The following KCNH7 variants were observed in gnomAD, a reference collection of about 807,000 sequenced individuals.
The protein encoded by KCNH7 is potassium voltage-gated channel subfamily H member 7.
A neutral mutation model predicts 120.8 loss-of-function variants in KCNH7; 49 were observed. That is an observed-to-expected ratio of 0.41 (90% CI 0.32 to 0.51). The LOEUF (loss-of-function observed/expected upper bound fraction) is 0.51. Ranked by LOEUF, KCNH7 falls within the 20% of genes least tolerant of loss-of-function variation. KCNH7 has a pLI of 0.38. For synonymous variants in KCNH7, 547 were observed against 516.1 expected, an observed-to-expected ratio of 1.06 and a Z score of -0.81; for missense variants, 1,097 against 1,446.6, an observed-to-expected ratio of 0.76 and a Z score of 3.92.
chr2:162,579,027 C>T (rs1693781595), intron 2 of KCNH7, among the ~76,000 whole-genome samples: 1 of 151,606 alleles, frequency 6.6e-6, no homozygotes, highest in Admixed American at 6.6e-5. Flanking sequence ...TAAAATAATC[C>T]TATGTGTTAG....
chr2:162,758,853 C>G (rs562514304), intron 2 of KCNH7, among the ~76,000 whole-genome samples: 5 of 152,058 alleles, frequency 3.3e-5, no homozygotes, highest in Non-Finnish European at 5.9e-5. Flanking sequence ...GGTTTGAAGT[C>G]TCATGATTTG....
At position 162,751,339 on chromosome 2, in the gene KCNH7, G is replaced by C. The variant is rs369857045; in HGVS notation, c.307+85198C>G. On this transcript the variant is annotated intron_variant, in intron 2 of 15. Transcript: ENST00000332142. ...TAAAAAGGGTAAATACAATAAATTA[G>C]AGAAGTAATTTACTAATTTACCTTT... is the stretch of plus-strand genomic sequence containing the variant. 2.0e-4 allele frequency among the ~76,000 whole-genome samples: 31 copies of C among 152,146 alleles called. No homozygotes were observed. The South Asian group carries it at 6.0e-3, about 30-fold the overall frequency.
At chr2:162,804,289 A>G (rs935342915) in intron 2 of KCNH7, among the ~76,000 whole-genome samples, 7 of 151,834 alleles carry the variant, frequency 4.6e-5, no homozygotes, top group African/African-American at 1.7e-4. Flanking sequence ...GAAGTCGTCA[A>G]ACTATCACTG....
rs572927623 is a variant in KCNH7, at chr2:162,561,753, C to T, written c.308-24673G>A. On this transcript the variant is annotated intron_variant, in intron 2 of 15. Coordinates refer to ENST00000332142, the MANE Select transcript of KCNH7 (RefSeq NM_033272.4). ...CCGATGGCATTCTACTATAAAGACA[C>T]ATGCACACGTATGTTTACTGCAGCA... 2.6e-5 allele frequency among the ~76,000 whole-genome samples: 4 copies of T among 152,256 alleles called. No homozygotes were observed. In the South Asian group the frequency reaches 8.3e-4, roughly 32 times the overall value.
chr2:162,591,073 C>T (rs1485330743), intron 2 of KCNH7, among the ~76,000 whole-genome samples: 1 of 152,022 alleles, frequency 6.6e-6, no homozygotes, highest in African/African-American at 2.4e-5. Flanking sequence ...GACTGCATTT[C>T]CCGAGCTCTT....
At chr2:162,526,950 A>G (rs1691726961) in intron 3 of KCNH7, among the ~76,000 whole-genome samples, 1 of 152,032 alleles carries the variant, frequency 6.6e-6, no homozygotes, top group South Asian at 2.1e-4. Flanking sequence ...AGAAATTATA[A>G]AAGTATTAAT....
chr2:162,793,059 C>T (rs1207790761), intron 2 of KCNH7, among the ~76,000 whole-genome samples: 1 of 151,758 alleles, frequency 6.6e-6, no homozygotes, highest in Non-Finnish European at 1.5e-5. Flanking sequence ...TTGATTCTGC[C>T]TTAATTTTAT....
At chr2:162,622,655 G>A (rs550275575) in intron 2 of KCNH7, among the ~76,000 whole-genome samples, 3 of 152,144 alleles carry the variant, frequency 2.0e-5, no homozygotes, top group African/African-American at 4.8e-5. Context: ...ACCTAGAGTC[G>A]TGAAATGCAA....
At chr2:162,815,916 T>C (rs1684902708) in intron 2 of KCNH7, among the ~76,000 whole-genome samples, 1 of 152,210 alleles carries the variant, frequency 6.6e-6, no homozygotes, top group Admixed American at 6.5e-5. Flanking sequence ...GATTACATAA[T>C]TAGATTTCCT....
At chr2:162,696,423 A>G (rs1686291229) in intron 2 of KCNH7, among the ~76,000 whole-genome samples, 1 of 152,190 alleles carries the variant, frequency 6.6e-6, no homozygotes, top group African/African-American at 2.4e-5. Context: ...CTTCGAAACT[A>G]GAATTTTTGC....
intron 2 of KCNH7, among the ~76,000 whole-genome samples, chr2:162,681,790 G>A (rs2105313644): frequency 6.7e-6 from 1 of 150,164 alleles, no homozygotes; most frequent in Non-Finnish European, 1.5e-5. Context: ...GAGAGTTCAA[G>A]TCAAGACTTG....
intron 2 of KCNH7, among the ~76,000 whole-genome samples, chr2:162,544,365 C>T (rs1031597701): frequency 3.9e-5 from 6 of 152,074 alleles, no homozygotes; most frequent in Admixed American, 3.9e-4. Context: ...AAAGGTAATG[C>T]CAACAGCTAA....
chr2:162,549,315 A>G (rs1166661981), intron 2 of KCNH7, among the ~76,000 whole-genome samples: 1 of 152,226 alleles, frequency 6.6e-6, no homozygotes, highest in African/African-American at 2.4e-5. Flanking sequence ...TATGTTGGAT[A>G]TAAAAGCTGG....
intron 12 of KCNH7, among the ~76,000 whole-genome samples, chr2:162,388,159 C>CT (rs1480743299): frequency 6.6e-6 from 1 of 151,578 alleles, no homozygotes; most frequent in Admixed American, 6.6e-5. Context: ...TAGATGAATA[C>CT]TTTTTTATAC....
In KCNH7 at chr2:162,769,217, C is replaced by T. The variant is rs143711843; in HGVS notation, c.307+67320G>A. 2.8e-3 allele frequency among the ~76,000 whole-genome samples: 421 copies of T among 150,934 alleles called. 1 individual carries two copies. Among genetic ancestry groups the T allele is most frequent in the African/African-American group, 9.8e-3 (397 of 40,662 alleles). On this transcript the variant is annotated intron_variant, in intron 2 of 15. Coordinates refer to ENST00000332142, the MANE Select transcript of KCNH7 (RefSeq NM_033272.4). ...TGAACAACAGACCTCCGCTCTCTTG[C>T]GGCCTTAAAACTGGAAACGCTCCAG...
intron 2 of KCNH7, among the ~76,000 whole-genome samples, chr2:162,760,130 A>G (rs997808398): frequency 1.3e-5 from 2 of 152,140 alleles, no homozygotes; most frequent in African/African-American, 4.8e-5. Context: ...ATACTTATTT[A>G]TCTTCAAAAA....
chr2:162,833,417 T>C (rs1427722809), intron 2 of KCNH7, among the ~76,000 whole-genome samples: 1 of 152,182 alleles, frequency 6.6e-6, no homozygotes, highest in East Asian at 1.9e-4. Context: ...GCTATTAAAA[T>C]ACATGCCCAT....
At chr2:162,674,649 T>C (rs925099685) in intron 2 of KCNH7, among the ~76,000 whole-genome samples, 1 of 151,746 alleles carries the variant, frequency 6.6e-6, no homozygotes, top group Non-Finnish European at 1.5e-5. Flanking sequence ...CATAAACAAG[T>C]AGAGCAATTC....
At chr2:162,704,565 T>A (rs1198739321) in intron 2 of KCNH7, among the ~76,000 whole-genome samples, 1 of 152,218 alleles carries the variant, frequency 6.6e-6, no homozygotes, top group Non-Finnish European at 1.5e-5. Flanking sequence ...CTATTATTTT[T>A]AAATATGTGG....
Sources: allele counts gnomAD v4.1 joint callset (sites outside exome capture counted in the v4.1 genomes callset), GRCh38; gene constraint gnomAD v4.1.1; transcripts MANE v1.5; gene names NCBI Gene and HGNC (gene_info 2026-07-23, HGNC 2026-07-21).